The following TRIM24 variants were observed in gnomAD, a reference collection of about 807,000 sequenced individuals.
TRIM24 encodes the protein tripartite motif containing 24.
A neutral mutation model predicts 123.9 loss-of-function variants in TRIM24; 29 were observed. The observed-to-expected ratio is 0.23, with a 90% CI of 0.17 to 0.32. The LOEUF (loss-of-function observed/expected upper bound fraction) is 0.32, where lower values mean the gene tolerates loss of function less well. TRIM24 is among the 10% of genes least tolerant of loss of function. The probability of loss-of-function intolerance (pLI) is 1.00; values close to 1 mark genes in which losing one functional copy is unlikely to be tolerated. For synonymous variants in TRIM24, 456 were observed against 461.1 expected, an observed-to-expected ratio of 0.99 and a Z score of 0.14; for missense variants, 932 against 1,295.3, an observed-to-expected ratio of 0.72 and a Z score of 4.31.
At chr7:138,484,975 TTGATAATAACCTC>T (rs1795612204) in intron 1 of TRIM24, among the ~76,000 whole-genome samples, 2 of 152,096 alleles carry the variant, frequency 1.3e-5, no homozygotes, top group Admixed American at 6.5e-5. Flanking sequence ...ATATAGGTAG[TTGATAATAACCTC>T]TTGGTAATTC....
chr7:138,516,414 G>A (rs555656203), intron 3 of TRIM24, among the ~76,000 whole-genome samples: 32 of 152,308 alleles, frequency 2.1e-4, no homozygotes, highest in South Asian at 6.2e-4. Context: ...CAGGCTAGCC[G>A]TAGTGCAGTG....
At chr7:138,476,524 C>T (rs1207893511) in intron 1 of TRIM24, among the ~76,000 whole-genome samples, 2 of 148,674 alleles carry the variant, frequency 1.3e-5, no homozygotes, top group East Asian at 4.0e-4. Flanking sequence ...ACCTGGGAGG[C>T]GGAGGTTGCA....
Position 138,571,004 on chromosome 7 carries a change from G to A in TRIM24, c.1878+1G>A. The A allele has an allele frequency of 6.2e-7, 1 of 1,613,748 alleles. No individual in the cohort carries two copies. ...TTATAATCTTCCCTCTCTTCCGGAT[G>A]TAAGTAGACACAAAATTTATACTAG... On this transcript the variant is annotated splice_donor_variant, in intron 11 of 18. Coordinates refer to ENST00000343526, the MANE Select transcript of TRIM24 (RefSeq NM_015905.3). LOFTEE classifies it high-confidence loss of function.
chr7:138,501,984 GA>G (rs972542482), intron 1 of TRIM24, among the ~76,000 whole-genome samples: 1 of 151,778 alleles, frequency 6.6e-6, no homozygotes, highest in African/African-American at 2.4e-5. Flanking sequence ...TTCTAGTACT[GA>G]AAAAAAAGGT....
intron 7 of TRIM24, among the ~76,000 whole-genome samples, chr7:138,540,006 T>C (rs944302933): frequency 6.6e-6 from 1 of 152,136 alleles, no homozygotes; most frequent in Non-Finnish European, 1.5e-5. Context: ...TTCACCATGT[T>C]AGCCAGGATG....
rs563637688 is a variant in TRIM24 at position 138,494,420 on chromosome 7, T to A, written c.365-9870T>A. Reference sequence around the variant, plus strand: ...AGGCATGAGCCACCACACCTGGCCATGTTTCTGTTAGTCTGGAATTACTTC... The same window carrying A: ...AGGCATGAGCCACCACACCTGGCCAAGTTTCTGTTAGTCTGGAATTACTTC... On this transcript the variant is annotated intron_variant, in intron 1 of 18. Coordinates refer to ENST00000343526, the MANE Select transcript of TRIM24 (RefSeq NM_015905.3). Among the ~76,000 whole-genome samples, 17 of 151,452 alleles carry A rather than the reference T, an allele frequency of 1.1e-4. No homozygotes were observed. The South Asian group carries it at 3.6e-3, about 32-fold the overall frequency.
At chr7:138,471,319 A>G (rs995527075) in intron 1 of TRIM24, among the ~76,000 whole-genome samples, 1 of 152,312 alleles carries the variant, frequency 6.6e-6, no homozygotes, top group East Asian at 1.9e-4. Flanking sequence ...TGTACAGTAC[A>G]TGTTCAAATA....
intron 1 of TRIM24, among the ~76,000 whole-genome samples, chr7:138,467,396 C>T (rs1237833817): frequency 6.6e-6 from 1 of 152,104 alleles, no homozygotes; most frequent in Non-Finnish European, 1.5e-5. Context: ...GGCTGGAGTG[C>T]AGTAATGTGA....
chr7:138,511,157 T>C (rs1796276391), intron 2 of TRIM24, among the ~76,000 whole-genome samples: 1 of 152,200 alleles, frequency 6.6e-6, no homozygotes, highest in Non-Finnish European at 1.5e-5. Flanking sequence ...ACAGGAAGCC[T>C]GATGCTGGCA....
At chr7:138,545,581 T>C (rs765659951) in intron 7 of TRIM24, 25 of 454,816 alleles carry the variant, frequency 5.5e-5, no homozygotes, top group Non-Finnish European at 1.0e-4. Context: ...TGGACTCAGA[T>C]CTAGCAATAA....
At chr7:138,538,830 A>C in intron 7 of TRIM24, 27 bp downstream of exon 7, 1 of 1,594,750 alleles carries the variant, frequency 6.3e-7, no homozygotes, top group Non-Finnish European at 8.6e-7. Context: ...TATTTAATAT[A>C]CTGTAAAAAT....
At chr7:138,544,882 G>A (rs919746350) in intron 7 of TRIM24, among the ~76,000 whole-genome samples, 3 of 152,142 alleles carry the variant, frequency 2.0e-5, no homozygotes, top group African/African-American at 7.2e-5. Context: ...TTGCTATTGA[G>A]TTGTGTGAGT....
intron 1 of TRIM24, among the ~76,000 whole-genome samples, chr7:138,487,534 A>G (rs1795675436): frequency 6.6e-6 from 1 of 152,156 alleles, no homozygotes; most frequent in Non-Finnish European, 1.5e-5. Flanking sequence ...TACCTAGTTT[A>G]TTGAGAGTTT....
intron 1 of TRIM24, among the ~76,000 whole-genome samples, chr7:138,478,572 G>A (rs149463008): frequency 0.023 from 3,571 of 152,200 alleles, 64 homozygotes; most frequent in Middle Eastern, 0.085. Context: ...TATCCCCTGG[G>A]CTGAAGTGAT....
At chr7:138,472,868 T>TA (rs1212047468) in intron 1 of TRIM24, among the ~76,000 whole-genome samples, 4 of 152,172 alleles carry the variant, frequency 2.6e-5, no homozygotes, top group Admixed American at 2.0e-4. Flanking sequence ...CACAAGCTCT[T>TA]AAAAAAATTT....
chr7:138,534,261 G>T (rs1467113028), intron 6 of TRIM24, among the ~76,000 whole-genome samples: 2 of 152,042 alleles, frequency 1.3e-5, no homozygotes, highest in African/African-American at 2.4e-5. Context: ...GCTAGCTTTT[G>T]AATTTGTTTG....
rs144979720 is a variant in TRIM24 at position 138,565,770 on chromosome 7, G to A, written c.1531-1711G>A. Among the ~76,000 whole-genome samples, 148 of 152,338 alleles carry A rather than the reference G, an allele frequency of 9.7e-4. 2 individuals carry two copies. The highest frequency in any genetic ancestry group is 1.9e-3 in the East Asian group (10 of 5,194). On this transcript the variant is annotated intron_variant, in intron 9 of 18. Coordinates refer to ENST00000343526, the MANE Select transcript of TRIM24 (RefSeq NM_015905.3). The stretch of plus-strand genomic sequence containing the variant: ...AAGGGGGTTGGCTAGTTTAAATGGC[G>A]TGGTGGGAATCTAATGGCATGAAAT...
intron 9 of TRIM24, among the ~76,000 whole-genome samples, chr7:138,555,338 G>A (rs1410208167): frequency 1.3e-5 from 2 of 152,116 alleles, no homozygotes; most frequent in Admixed American, 6.6e-5. Context: ...AGGATGCAGT[G>A]TTCAGTAAAC....
At chr7:138,540,505 C>T (rs143904172) in intron 7 of TRIM24, among the ~76,000 whole-genome samples, 61 of 152,346 alleles carry the variant, frequency 4.0e-4, no homozygotes, top group Middle Eastern at 3.4e-3. Context: ...TAAGAAGCAA[C>T]TATTCATCCA....
Sources: allele counts gnomAD v4.1 joint callset (sites outside exome capture counted in the v4.1 genomes callset), GRCh38; gene constraint gnomAD v4.1.1; transcripts MANE v1.5; gene names NCBI Gene and HGNC (gene_info 2026-07-23, HGNC 2026-07-21).